Variants in NRXN3 observed in about 807,000 individuals in gnomAD.
NRXN3 encodes the protein neurexin 3.
A neutral mutation model predicts 137.6 loss-of-function variants in NRXN3; 32 were observed. The ratio of observed to expected loss-of-function variants is 0.23; its 90% CI spans 0.18 to 0.31. The LOEUF (loss-of-function observed/expected upper bound fraction) is 0.31, where lower values mean the gene tolerates loss of function less well. NRXN3 is among the 10% of genes least tolerant of loss of function. NRXN3 has a pLI of 1.00. For synonymous variants in NRXN3, 798 were observed against 784.5 expected, an observed-to-expected ratio of 1.02 and a Z score of -0.29; for missense variants, 1,574 against 2,062.5, an observed-to-expected ratio of 0.76 and a Z score of 4.59.
chr14:78,442,095 C>G (rs1396025635), intron 4 of NRXN3, among the ~76,000 whole-genome samples: 1 of 55,992 alleles, frequency 1.8e-5, no homozygotes, highest in African/African-American at 5.7e-5. Context: ...GACTCTGTCT[C>G]AAAAAGAAAA....
intron 15 of NRXN3, among the ~76,000 whole-genome samples, chr14:79,024,306 T>A (rs1459939707): frequency 1.1e-4 from 17 of 152,284 alleles, no homozygotes; most frequent in Middle Eastern, 3.4e-3. Context: ...TTCTCACCTG[T>A]GTGCTGAAAC....
intron 16 of NRXN3, among the ~76,000 whole-genome samples, chr14:79,476,456 A>G (rs749728289): frequency 2.0e-5 from 3 of 152,108 alleles, no homozygotes; most frequent in East Asian, 1.9e-4. Context: ...CCTGAAATCA[A>G]TTCATACTCA....
chr14:78,327,941 A>T (rs1208412848), intron 4 of NRXN3, among the ~76,000 whole-genome samples: 1 of 149,442 alleles, frequency 6.7e-6, no homozygotes, highest in Admixed American at 6.7e-5. Context: ...CAGTGAGGTG[A>T]ATCAGCACAT....
intron 10 of NRXN3, among the ~76,000 whole-genome samples, chr14:78,888,784 C>G (rs17757789): frequency 0.017 from 2,543 of 151,594 alleles, 38 homozygotes; most frequent in South Asian, 0.062. Context: ...CTGGTAGCTT[C>G]ACTGATGCAG....
At chr14:79,280,103 T>G in intron 15 of NRXN3, 5 of 1,405,128 alleles carry the variant, frequency 3.6e-6, no homozygotes, top group Non-Finnish European at 4.6e-6. Context: ...TTTTATCTTT[T>G]TTTTTTCTTT....
At chr14:78,993,924 A>G (rs1328697077) in intron 15 of NRXN3, among the ~76,000 whole-genome samples, 1 of 133,894 alleles carries the variant, frequency 7.5e-6, no homozygotes, top group African/African-American at 2.7e-5. Flanking sequence ...ATCTCAGTTC[A>G]CTGCAACCTC....
At chr14:78,815,268 A>G (rs559161240) in intron 10 of NRXN3, among the ~76,000 whole-genome samples, 82 of 152,280 alleles carry the variant, frequency 5.4e-4, no homozygotes, top group Non-Finnish European at 9.1e-4. Flanking sequence ...AAGTGCCACA[A>G]TAGAGTTATT....
intron 15 of NRXN3, among the ~76,000 whole-genome samples, chr14:79,184,014 A>G (rs1296707554): frequency 6.6e-6 from 1 of 152,180 alleles, no homozygotes; most frequent in East Asian, 1.9e-4. Context: ...CCACAACAGC[A>G]GAGGTGGGGA....
intron 4 of NRXN3, among the ~76,000 whole-genome samples, chr14:78,392,813 C>A (rs1182355192): frequency 6.6e-6 from 1 of 152,080 alleles, no homozygotes; most frequent in Non-Finnish European, 1.5e-5. Context: ...CTAGAGAAAT[C>A]AAATAAAAGT....
chr14:79,561,124 C>T (rs958977575), intron 16 of NRXN3, among the ~76,000 whole-genome samples: 30 of 152,170 alleles, frequency 2.0e-4, no homozygotes, highest in African/African-American at 6.8e-4. Flanking sequence ...TTTATTACTA[C>T]TACTCATTGG....
chr14:78,536,887 G>A (rs79627105), intron 4 of NRXN3, among the ~76,000 whole-genome samples: 33,462 of 151,752 alleles, frequency 0.22, 4,058 homozygotes, highest in Middle Eastern at 0.32. Flanking sequence ...ACAGTTTGCT[G>A]AGAATGATGG....
At chr14:78,215,016 G>A (rs2063113428) in intron 1 of NRXN3, among the ~76,000 whole-genome samples, 3 of 152,150 alleles carry the variant, frequency 2.0e-5, no homozygotes, top group African/African-American at 7.2e-5. Flanking sequence ...CATTTTAAAT[G>A]GAAACTTTGA....
At chr14:78,883,660 T>A (rs1247211226) in intron 10 of NRXN3, among the ~76,000 whole-genome samples, 1 of 152,222 alleles carries the variant, frequency 6.6e-6, no homozygotes, top group Non-Finnish European at 1.5e-5. Flanking sequence ...AACCATGTGA[T>A]GTCTGTGTAT....
At chr14:79,038,653 T>C (rs11627905) in intron 15 of NRXN3, among the ~76,000 whole-genome samples, 49,974 of 152,036 alleles carry the variant, frequency 0.33, 8,755 homozygotes, top group Admixed American at 0.47. Flanking sequence ...TTGTTGGGCA[T>C]GAATGACTGG....
At chr14:79,567,406 G>A (rs2097560520) in intron 16 of NRXN3, among the ~76,000 whole-genome samples, 1 of 152,012 alleles carries the variant, frequency 6.6e-6, no homozygotes, top group Non-Finnish European at 1.5e-5. Flanking sequence ...AAATGGGGAA[G>A]GGGCTCCTAA....
At chr14:79,101,195 C>T (rs1176666677) in intron 15 of NRXN3, among the ~76,000 whole-genome samples, 1 of 152,166 alleles carries the variant, frequency 6.6e-6, no homozygotes, top group African/African-American at 2.4e-5. Context: ...AGGGGAGGCA[C>T]TCAGGGCAGT....
At chr14:78,551,842 G>A (rs2096693956) in intron 4 of NRXN3, among the ~76,000 whole-genome samples, 1 of 151,488 alleles carries the variant, frequency 6.6e-6, no homozygotes, top group Admixed American at 6.6e-5. Flanking sequence ...GCTTATCAAA[G>A]TATTTTTTTT....
At position 78,814,337 on chromosome 14, in the gene NRXN3, C is replaced by T. The variant is rs529234344; in HGVS notation, c.2275+3993C>T. On this transcript the variant is annotated intron_variant, in intron 10 of 20. Transcript: ENST00000335750. ...CACTACTAAAGGAAAACAGAACTGG[C>T]CGGATGTGGTAGCTCACACCTGTAA... 1.1e-4 allele frequency among the ~76,000 whole-genome samples: 16 copies of T among 152,282 alleles called. No individual in the cohort carries two copies. In the South Asian group the frequency reaches 2.7e-3, roughly 26 times the overall value.
At chr14:78,905,056 A>G (rs1177216056) in intron 10 of NRXN3, among the ~76,000 whole-genome samples, 1 of 152,004 alleles carries the variant, frequency 6.6e-6, no homozygotes, top group Non-Finnish European at 1.5e-5. Flanking sequence ...CCTTTCTGCC[A>G]TTGAGTTCAG....
Sources: gnomAD v4.1 joint callset for allele counts (sites outside exome capture counted in the v4.1 genomes callset) on GRCh38, gnomAD v4.1.1 for gene constraint, MANE v1.5 for transcripts, NCBI Gene and HGNC (gene_info 2026-07-23, HGNC 2026-07-21) for gene names.